The following IBTK variants were observed in gnomAD, a reference collection of about 807,000 sequenced individuals.
The protein encoded by IBTK is BTK-binding protein.
Under a neutral mutation model 154.9 loss-of-function variants are expected in IBTK, and 83 were observed. The observed-to-expected ratio is 0.54, with a 90% CI of 0.45 to 0.64. The LOEUF is 0.64. Among genes scored for constraint, IBTK ranks in the 30% least tolerant of loss-of-function variants. IBTK has a pLI of 0.00. For synonymous variants in IBTK, 515 were observed against 536.1 expected, an observed-to-expected ratio of 0.96 and a Z score of 0.54; for missense variants, 1,332 against 1,584.6, an observed-to-expected ratio of 0.84 and a Z score of 2.71.
At chr6:82,182,423 C>T (rs1327129219) in intron 25 of IBTK, among the ~76,000 whole-genome samples, 2 of 151,528 alleles carry the variant, frequency 1.3e-5, no homozygotes, top group East Asian at 3.9e-4. Flanking sequence ...ATGGAAGAGT[C>T]GGTAAACTTG....
At chr6:82,245,208 G>A (rs1408999233) in intron 1 of IBTK, among the ~76,000 whole-genome samples, 1 of 152,102 alleles carries the variant, frequency 6.6e-6, no homozygotes, top group Non-Finnish European at 1.5e-5. Context: ...GAGTGCAGAA[G>A]AGGGGTCCAG....
chr6:82,226,988 G>A (rs985321712), intron 5 of IBTK, among the ~76,000 whole-genome samples: 2 of 152,078 alleles, frequency 1.3e-5, no homozygotes, highest in East Asian at 1.9e-4. Flanking sequence ...TATAAGCAAA[G>A]TATTACTTTT....
intron 25 of IBTK, among the ~76,000 whole-genome samples, chr6:82,186,633 T>C (rs1218589825): frequency 3.9e-5 from 6 of 152,158 alleles, no homozygotes; most frequent in African/African-American, 1.4e-4. Flanking sequence ...AAAGTATGCC[T>C]GTATAGTCTT....
At chr6:82,232,053 T>TG (rs1424515986) in intron 3 of IBTK, among the ~76,000 whole-genome samples, 4 of 124,084 alleles carry the variant, frequency 3.2e-5, no homozygotes, top group Admixed American at 8.6e-5. Flanking sequence ...TTCTTTTTTT[T>TG]TTGTTGTTGT....
chr6:82,217,866 A>T, intron 10 of IBTK, 94 bp downstream of exon 10: 1 of 810,274 alleles, frequency 1.2e-6, no homozygotes, highest in Middle Eastern at 3.0e-4. Context: ...CATAAAAGTA[A>T]AACCTAATAA....
intron 25 of IBTK, among the ~76,000 whole-genome samples, chr6:82,189,317 A>C (rs1768673610): frequency 6.6e-6 from 1 of 152,134 alleles, no homozygotes; most frequent in Non-Finnish European, 1.5e-5. Context: ...GTGGAGAAGA[A>C]AACAGGAGGT....
At chr6:82,241,987 A>T (rs913989334) in intron 1 of IBTK, among the ~76,000 whole-genome samples, 3 of 152,248 alleles carry the variant, frequency 2.0e-5, no homozygotes, top group Non-Finnish European at 4.4e-5. Flanking sequence ...TCTGATCTTA[A>T]CTACTTTGAT....
intron 16 of IBTK, among the ~76,000 whole-genome samples, chr6:82,206,596 G>A (rs1769422668): frequency 6.6e-6 from 1 of 152,078 alleles, no homozygotes; most frequent in South Asian, 2.1e-4. Flanking sequence ...TCCCAACTCA[G>A]ACAAGGAGGC....
rs1276786769 is a variant in IBTK, at chr6:82,240,169, CA to C, written c.317del (p.Leu106Ter). ...AAAATAAACAAATGACAATTACCTT[CA>C]ATAGAGACCAAACACAATCAATATG... ...YGHIDCVWSL[L>X]KHGVSLYIQD... On this transcript the variant is annotated frameshift_variant, in exon 2 of 29. Coordinates refer to ENST00000306270, the MANE Select transcript of IBTK (RefSeq NM_015525.4). LOFTEE classifies it high-confidence loss of function. 2 of 1,609,668 alleles carry C rather than the reference CA, an allele frequency of 1.2e-6. No homozygotes were observed. The highest frequency in any genetic ancestry group is 1.7e-6 in the Non-Finnish European group (2 of 1,176,550).
Position 82,214,916 on chromosome 6 carries a change from AT to A in IBTK, c.1602-88del, listed in dbSNP as rs375627986. 1.8e-3 allele frequency: 2,550 copies of A among 1,391,874 alleles called. 7 individuals are homozygous for A. The highest frequency in any genetic ancestry group is 2.0e-3 in the Non-Finnish European group (2,046 of 1,038,474). The allele number at this position is 1,391,874 out of a possible 1,614,324, so 86.2% of individuals were successfully genotyped here. A position where few individuals can be genotyped will look rare whatever the true frequency, so the allele number is the denominator to read the frequency against. On this transcript the variant is annotated intron_variant, in intron 11 of 28. Coordinates refer to ENST00000306270, the MANE Select transcript of IBTK (RefSeq NM_015525.4). ...CTAGCCAATTCTCCTTTAAAATGCA[AT>A]TTTTTTAACAATATTTAGAAAATTT... is the stretch of plus-strand genomic sequence containing the variant.
In IBTK at chr6:82,202,500, A is replaced by G. The variant is rs569733543; in HGVS notation, c.2729+28T>C. ...ATATATAAATATCTCCTTTTGCAAC[A>G]ATCTTACAACATATGCACCTCACCT... On this transcript the variant is annotated intron_variant, in intron 18 of 28. Coordinates refer to ENST00000306270, the MANE Select transcript of IBTK (RefSeq NM_015525.4). 2.4e-5 allele frequency: 28 copies of G among 1,188,546 alleles called. No individual in the cohort carries two copies. The East Asian group carries it at 6.6e-4, about 28-fold the overall frequency. The allele number at this position is 1,188,546 out of a possible 1,614,324, so 73.6% of individuals were successfully genotyped here.
intron 25 of IBTK, among the ~76,000 whole-genome samples, chr6:82,185,351 G>A (rs1043699459): frequency 1.3e-5 from 2 of 151,194 alleles, no homozygotes; most frequent in African/African-American, 4.9e-5. Context: ...GCTGAGCCTA[G>A]GAGTTCAAGA....
Position 82,214,411 on chromosome 6 carries a change from G to A in IBTK, c.2020C>T (p.His674Tyr), listed in dbSNP as rs771692508. 1 of 1,613,736 alleles carries A rather than the reference G, an allele frequency of 6.2e-7. No individual in the cohort carries two copies. Among genetic ancestry groups the A allele is most frequent in the Non-Finnish European group, 8.5e-7 (1 of 1,179,830 alleles). Residue 674 changes from histidine to tyrosine, a missense_variant, in exon 12 of 29, where the codon CAT becomes TAT. Around this residue, in one of 3 missense-constraint regions of IBTK, gnomAD observed 1,134 missense variants for 1,274.7 expected, o/e 0.89. Transcript: ENST00000306270. Reference sequence around the variant, plus strand: ...GCAGACTTCTGGTTATCATCTTCATGGAAATTCACTTTATTCAAATGAGAA... The same window carrying A: ...GCAGACTTCTGGTTATCATCTTCATAGAAATTCACTTTATTCAAATGAGAA... ...LNSHLNKVNF[H>Y]EDDNQKSAFE...
chr6:82,195,354 T>C (rs1307079871), intron 22 of IBTK, among the ~76,000 whole-genome samples: 3 of 152,048 alleles, frequency 2.0e-5, no homozygotes, highest in Non-Finnish European at 4.4e-5. Flanking sequence ...AGTGGGTGGA[T>C]TGCTTGAGTC....
chr6:82,186,883 A>G (rs1768575799), intron 25 of IBTK, among the ~76,000 whole-genome samples: 1 of 150,862 alleles, frequency 6.6e-6, no homozygotes, highest in African/African-American at 2.4e-5. Flanking sequence ...TGTATAACAA[A>G]TATCACTTGT....
intron 25 of IBTK, among the ~76,000 whole-genome samples, chr6:82,190,378 C>T (rs1025496513): frequency 1.1e-4 from 17 of 152,104 alleles, no homozygotes; most frequent in Non-Finnish European, 1.9e-4. Flanking sequence ...CTGATTTCTT[C>T]GTAAGGCTTC....
chr6:82,212,715 C>G lies in IBTK; in HGVS notation c.2283G>C (p.Gln761His). 1 of 1,584,508 alleles carries G rather than the reference C, an allele frequency of 6.3e-7. No homozygotes were observed. The highest frequency in any genetic ancestry group is 8.7e-7 in the Non-Finnish European group (1 of 1,154,026). ...KNTGNKLKLS[Q>H]KKCSFLCDVT... ...TTCCTTTCCTTACTTACCATTTTTT[C>G]TGACTTAGCTTCAGTTTATTACCAG... is the stretch of plus-strand genomic sequence containing the variant. The change falls in exon 13 of 29, where the codon CAG becomes CAC. Residue 761 changes from glutamine to histidine, a missense_variant. Physicochemically the swap from Gln to His is conservative, Grantham distance 24. This residue lies in a region of IBTK where 1,134 missense variants were observed against 1,274.7 expected (regional missense o/e 0.89). Transcript: ENST00000306270.
chr6:82,193,623 GCTTA>G (rs1768866507), intron 23 of IBTK, among the ~76,000 whole-genome samples: 1 of 152,118 alleles, frequency 6.6e-6, no homozygotes, highest in African/African-American at 2.4e-5. Flanking sequence ...TGAAGCACAA[GCTTA>G]ATTAACATTT....
At chr6:82,175,656 G>C (rs546709263) in intron 26 of IBTK, among the ~76,000 whole-genome samples, 5 of 152,130 alleles carry the variant, frequency 3.3e-5, no homozygotes, top group Non-Finnish European at 5.9e-5. Flanking sequence ...AGTAGATATC[G>C]CAAGAGACAA....
Sources: gnomAD v4.1 joint callset for allele counts (sites outside exome capture counted in the v4.1 genomes callset) on GRCh38, gnomAD v4.1.1 for gene constraint, gnomAD v4.1.1 regional missense constraint, MANE v1.5 for transcripts, NCBI Gene and HGNC (gene_info 2026-07-23, HGNC 2026-07-21) for gene names.